Variants in E2F5 observed in about 807,000 individuals in gnomAD.
The protein encoded by E2F5 is E2F transcription factor 5.
In E2F5, 23 loss-of-function variants were observed where a neutral mutation model predicts 39.1. The observed-to-expected ratio is 0.59, with a 90% CI of 0.42 to 0.83. The LOEUF is 0.83. E2F5 is among the 40% of genes least tolerant of loss of function. The pLI is 0.00. For synonymous variants in E2F5, 145 were observed against 157.8 expected (o/e 0.92, Z 0.61); for missense variants, 365 against 406.7 (o/e 0.90, Z 0.88).
chr8:85,181,722 G>T (rs1264179510), intron 1 of E2F5, among the ~76,000 whole-genome samples: 1 of 150,790 alleles, frequency 6.6e-6, no homozygotes, highest in Admixed American at 6.6e-5. Flanking sequence ...CACTTTGAGA[G>T]GCCGAGGCGG....
At chr8:85,211,845 GC>G (rs1812931623) in intron 6 of E2F5, among the ~76,000 whole-genome samples, 1 of 151,492 alleles carries the variant, frequency 6.6e-6, no homozygotes, top group South Asian at 2.1e-4. Flanking sequence ...TCACTATGTT[GC>G]CCAGGCTGGT....
At chr8:85,179,397 TAA>T (rs1422577212) in intron 1 of E2F5, among the ~76,000 whole-genome samples, 1 of 152,204 alleles carries the variant, frequency 6.6e-6, no homozygotes, top group Non-Finnish European at 1.5e-5. Context: ...TGTGGCTATA[TAA>T]TTGCCCTACA....
chr8:85,204,691 A>C (rs1280068939), intron 3 of E2F5, among the ~76,000 whole-genome samples: 2 of 152,088 alleles, frequency 1.3e-5, no homozygotes, highest in Non-Finnish European at 2.9e-5. Flanking sequence ...TTAAAGTATA[A>C]TAATAATAAA....
intron 1 of E2F5, among the ~76,000 whole-genome samples, chr8:85,192,883 A>G (rs1812494432): frequency 6.6e-6 from 1 of 152,226 alleles, no homozygotes; most frequent in Admixed American, 6.5e-5. Context: ...CAAGTTACTC[A>G]GCCTTGGTTT....
chr8:85,186,841 G>A (rs1812354272), intron 1 of E2F5, among the ~76,000 whole-genome samples: 1 of 146,626 alleles, frequency 6.8e-6, no homozygotes, highest in South Asian at 2.1e-4. Flanking sequence ...ATATATGTAA[G>A]GTGTATATAT....
At chr8:85,198,256 C>G (rs1812622693) in intron 1 of E2F5, among the ~76,000 whole-genome samples, 1 of 152,078 alleles carries the variant, frequency 6.6e-6, no homozygotes, top group Non-Finnish European at 1.5e-5. Flanking sequence ...CATCCCTTCT[C>G]TCTTCTGCAT....
chr8:85,204,443 A>C (rs1045536991), intron 3 of E2F5, among the ~76,000 whole-genome samples: 3 of 150,414 alleles, frequency 2.0e-5, no homozygotes, highest in Non-Finnish European at 4.4e-5. Context: ...TCGCAAGGAC[A>C]AAAAAACCAA....
At chr8:85,211,220 TAAAAAAAA>T (rs5892938) in intron 6 of E2F5, among the ~76,000 whole-genome samples, 2 of 112,502 alleles carry the variant, frequency 1.8e-5, no homozygotes, top group Non-Finnish European at 3.6e-5. Context: ...ACCCTATCTC[TAAAAAAAA>T]AAAAAAAAAA....
At chr8:85,206,142 A>C in intron 3 of E2F5, 35 bp from the exon 4 acceptor site, 1 of 1,600,978 alleles carries the variant, frequency 6.2e-7, no homozygotes. Context: ...CTACGGCTTG[A>C]TATAAATGTC....
intron 2 of E2F5, among the ~76,000 whole-genome samples, chr8:85,202,644 A>G (rs1403737904): frequency 6.6e-6 from 1 of 152,196 alleles, no homozygotes; most frequent in Admixed American, 6.5e-5. Context: ...TGGCCTGGTT[A>G]TACGTTTGAA....
rs568923265 is a variant in E2F5, at chr8:85,186,699, T to C, written c.234+9045T>C. ...TAAGGTATATATGGTATATATATGG[T>C]ATATATGGTATATATAAGGTGTATA... is the stretch of plus-strand genomic sequence containing the variant. On this transcript the variant is annotated intron_variant, in intron 1 of 7. Coordinates refer to ENST00000416274, the MANE Select transcript of E2F5 (RefSeq NM_001951.4). Among the ~76,000 whole-genome samples the C allele has an allele frequency of 1.6e-4, 24 of 147,288 alleles. 1 individual carries two copies. The South Asian group carries it at 5.1e-3, about 31-fold the overall frequency.
chr8:85,203,069 A>C (rs780896098), intron 2 of E2F5, 25 bp from the exon 3 acceptor site: 54 of 1,428,990 alleles, frequency 3.8e-5, no homozygotes, highest in Non-Finnish European at 4.8e-5. Context: ...GATACTGAGG[A>C]TATTAATTCT....
intron 3 of E2F5, among the ~76,000 whole-genome samples, chr8:85,205,157 T>A (rs2129733474): frequency 6.6e-6 from 1 of 152,142 alleles, no homozygotes; most frequent in East Asian, 1.9e-4. Flanking sequence ...CACTTCAGCT[T>A]GGGCGATAGA....
intron 1 of E2F5, among the ~76,000 whole-genome samples, chr8:85,181,405 G>C (rs1048436994): frequency 6.6e-6 from 1 of 151,212 alleles, no homozygotes; most frequent in East Asian, 2.0e-4. Context: ...ATCTCCACTC[G>C]CTGCAAGCTC....
intron 1 of E2F5, among the ~76,000 whole-genome samples, chr8:85,179,804 C>T (rs1011573678): frequency 6.6e-6 from 1 of 151,234 alleles, no homozygotes; most frequent in Non-Finnish European, 1.5e-5. Context: ...GGACTACAGG[C>T]GCCCGCCAGC....
intron 4 of E2F5, 26 bp downstream of exon 4, chr8:85,206,246 C>A: frequency 6.2e-7 from 1 of 1,603,838 alleles, no homozygotes; most frequent in Non-Finnish European, 8.5e-7. Flanking sequence ...CTTTTCCTTG[C>A]ATTCTTCCTC....
chr8:85,177,475 C>G lies in E2F5; in HGVS notation c.55C>G (p.Gln19Glu). Residue 19 changes from glutamine (Q) to glutamate (E), a missense_variant, in exon 1 of 8, where the codon CAG becomes GAG. By Grantham distance (29) the Gln-to-Glu change is conservative (BLOSUM62 2). Coordinates refer to ENST00000416274, the MANE Select transcript of E2F5 (RefSeq NM_001951.4). ...SGQQAPAGQG[Q>E]GQRPPPQPPQ... The stretch of plus-strand genomic sequence containing the variant: ...CCAGCAGGCGCCGGCAGGGCAGGGG[C>G]AGGGCCAGCGGCCGCCGCCGCAGCC... 2.0e-6 allele frequency: 2 copies of G among 1,014,984 alleles called. No individual in the cohort carries two copies. Among genetic ancestry groups the G allele is most frequent in the Non-Finnish European group, 2.3e-6 (2 of 851,276 alleles). The allele number at this position is 1,014,984 out of a possible 1,614,324, so 62.9% of individuals were successfully genotyped here.
chr8:85,205,325 C>T (rs1041457383), intron 3 of E2F5, among the ~76,000 whole-genome samples: 2 of 151,978 alleles, frequency 1.3e-5, no homozygotes, highest in South Asian at 2.1e-4. Context: ...AACCTCCACC[C>T]CCCGGGTTTA....
chr8:85,198,379 C>T (rs4150921), intron 1 of E2F5, among the ~76,000 whole-genome samples: 7,068 of 152,184 alleles, frequency 0.046, 208 homozygotes, highest in Non-Finnish European at 0.058. Flanking sequence ...CCCACAGTTC[C>T]CTAAAAATAT....
Sources: allele counts gnomAD v4.1 joint callset (sites outside exome capture counted in the v4.1 genomes callset), GRCh38; gene constraint gnomAD v4.1.1; transcripts MANE v1.5; gene names NCBI Gene and HGNC (gene_info 2026-07-23, HGNC 2026-07-21).